The following FAM81A variants were observed in gnomAD, a reference collection of about 807,000 sequenced individuals.
FAM81A encodes the protein family with sequence similarity 81 member A.
FAM81A carries 19 observed loss-of-function variants against 46.7 expected under a neutral mutation model. The ratio of observed to expected loss-of-function variants is 0.41; its 90% CI spans 0.28 to 0.60. The LOEUF (loss-of-function observed/expected upper bound fraction) is 0.60, where lower values mean the gene tolerates loss of function less well. Among genes scored for constraint, FAM81A ranks in the 20% least tolerant of loss-of-function variants. The pLI is 0.34. For missense variants in FAM81A, 377 were observed against 453.5 expected, an observed-to-expected ratio of 0.83 and a Z score of 1.53; for synonymous variants, 183 against 152.9, an observed-to-expected ratio of 1.20 and a Z score of -1.45.
chr15:59,473,871 C>G lies in FAM81A; in HGVS notation c.294+13665C>G, dbSNP rs1215762499. Among the ~76,000 whole-genome samples, 6 of 152,166 alleles carry G rather than the reference C, an allele frequency of 3.9e-5. No homozygotes were observed. The East Asian group carries it at 1.2e-3, about 29-fold the overall frequency. Reference sequence around the variant, plus strand: ...TATTTTATTTTTTTAGAGACAAGGTCTTGCTATGTTGCCCAGGCTGGTCTT... The same window carrying G: ...TATTTTATTTTTTTAGAGACAAGGTGTTGCTATGTTGCCCAGGCTGGTCTT... On this transcript the variant is annotated intron_variant, in intron 3 of 8. Coordinates refer to ENST00000288228, the MANE Select transcript of FAM81A (RefSeq NM_152450.3).
chr15:59,475,289 C>G (rs1279051093), intron 3 of FAM81A, among the ~76,000 whole-genome samples: 1 of 152,016 alleles, frequency 6.6e-6, no homozygotes, highest in Non-Finnish European at 1.5e-5. Context: ...GAATTTCAGG[C>G]ACACCACCAC....
chr15:59,432,682 A>T (rs1191053436), intron 2 of FAM81A, among the ~76,000 whole-genome samples: 1 of 152,192 alleles, frequency 6.6e-6, no homozygotes, highest in African/African-American at 2.4e-5. Flanking sequence ...GCAAAAAAGA[A>T]ATAAAGTACT....
chr15:59,458,872 G>A (rs2081515992), intron 2 of FAM81A, among the ~76,000 whole-genome samples: 1 of 152,238 alleles, frequency 6.6e-6, no homozygotes, highest in Admixed American at 6.5e-5. Flanking sequence ...TTCCTGTTGA[G>A]AGTGAAATAT....
intron 3 of FAM81A, among the ~76,000 whole-genome samples, chr15:59,476,050 A>C (rs1424545278): frequency 2.6e-5 from 4 of 152,178 alleles, no homozygotes; most frequent in African/African-American, 9.7e-5. Context: ...TGCTGCCTGA[A>C]TTGTAGATGG....
intron 3 of FAM81A, among the ~76,000 whole-genome samples, chr15:59,474,891 A>AC (rs1450000809): frequency 6.6e-6 from 1 of 152,194 alleles, no homozygotes; most frequent in Non-Finnish European, 1.5e-5. Flanking sequence ...CTCTTCTAGA[A>AC]CCTGATCTTC....
chr15:59,409,780 C>A (rs1010006562), intron 2 of FAM81A, among the ~76,000 whole-genome samples: 1 of 151,982 alleles, frequency 6.6e-6, no homozygotes, highest in South Asian at 2.1e-4. Flanking sequence ...TTTTCTCATC[C>A]AATAGTCAGA....
At chr15:59,521,012 T>C (rs1010567901) in intron 8 of FAM81A, among the ~76,000 whole-genome samples, 8 of 152,210 alleles carry the variant, frequency 5.3e-5, no homozygotes, top group Non-Finnish European at 1.5e-5. Flanking sequence ...ATTTGATCAC[T>C]TGGTTAAAGG....
At chr15:59,499,944 C>A (rs2082074264) in intron 4 of FAM81A, among the ~76,000 whole-genome samples, 1 of 151,800 alleles carries the variant, frequency 6.6e-6, no homozygotes, top group Non-Finnish European at 1.5e-5. Context: ...CCTCTGCCTC[C>A]CAGGTTCAAG....
intron 4 of FAM81A, among the ~76,000 whole-genome samples, chr15:59,497,649 A>T (rs1010257978): frequency 7.2e-6 from 1 of 139,444 alleles, no homozygotes; most frequent in Admixed American, 6.7e-5. Flanking sequence ...TGAGGCCAGG[A>T]GTTTGAGGCC....
intron 3 of FAM81A, among the ~76,000 whole-genome samples, chr15:59,473,744 G>A (rs571447711): frequency 3.8e-4 from 58 of 152,298 alleles, no homozygotes; most frequent in African/African-American, 1.3e-3. Flanking sequence ...TTCTGTCAAC[G>A]TAAGAGGTGA....
chr15:59,423,200 C>T (rs2081181835), intron 2 of FAM81A, among the ~76,000 whole-genome samples: 1 of 152,170 alleles, frequency 6.6e-6, no homozygotes, highest in African/African-American at 2.4e-5. Flanking sequence ...CAAGTTCACG[C>T]CATTCTCCTG....
intron 4 of FAM81A, among the ~76,000 whole-genome samples, chr15:59,493,274 G>T (rs2082000474): frequency 6.6e-6 from 1 of 152,184 alleles, no homozygotes; most frequent in East Asian, 1.9e-4. Flanking sequence ...CGAGGGCCTT[G>T]AATGCTGGAC....
chr15:59,502,135 ATTATTT>A (rs1244293635), intron 4 of FAM81A, among the ~76,000 whole-genome samples: 132 of 150,960 alleles, frequency 8.7e-4, no homozygotes, highest in African/African-American at 2.8e-3. Flanking sequence ...GAGTAAGAAC[ATTATTT>A]TTATTTTTTA....
intron 6 of FAM81A, 96 bp downstream of exon 6, chr15:59,509,065 C>G (rs2082178050): frequency 1.1e-6 from 1 of 919,404 alleles, no homozygotes; most frequent in East Asian, 2.9e-5. Flanking sequence ...ATTTATTGCA[C>G]AAATTGAAAA....
intron 2 of FAM81A, among the ~76,000 whole-genome samples, chr15:59,411,972 G>A (rs1341439778): frequency 4.0e-5 from 6 of 150,930 alleles, no homozygotes; most frequent in Non-Finnish European, 7.4e-5. Context: ...GCCTTTACTT[G>A]AGTGGGCAGA....
intron 2 of FAM81A, among the ~76,000 whole-genome samples, chr15:59,429,317 G>A (rs2081209565): frequency 6.6e-6 from 1 of 152,088 alleles, no homozygotes; most frequent in African/African-American, 2.4e-5. Flanking sequence ...TGGTAGTTCT[G>A]TTCAATCTAG....
At chr15:59,434,280 T>C (rs745645326), upstream of FAM81A, among the ~76,000 whole-genome samples, 2 of 152,252 alleles carry the variant, frequency 1.3e-5, no homozygotes, top group Non-Finnish European at 2.9e-5. Context: ...TACAACTGTA[T>C]ATAAATATGC....
At chr15:59,506,604 C>G (rs2082152045) in intron 4 of FAM81A, among the ~76,000 whole-genome samples, 1 of 152,146 alleles carries the variant, frequency 6.6e-6, no homozygotes, top group South Asian at 2.1e-4. Context: ...TCTTATGGGT[C>G]CATTCTGTGA....
intron 1 of FAM81A, among the ~76,000 whole-genome samples, chr15:59,440,596 T>C (rs1214073005): frequency 1.3e-5 from 2 of 152,230 alleles, no homozygotes; most frequent in Non-Finnish European, 2.9e-5. Context: ...TTGCTTCAAC[T>C]AACATCTTGG....
Sources: allele counts gnomAD v4.1 joint callset (sites outside exome capture counted in the v4.1 genomes callset), GRCh38; gene constraint gnomAD v4.1.1; transcripts MANE v1.5; gene names NCBI Gene and HGNC (gene_info 2026-07-23, HGNC 2026-07-21).